The following IFT43 variants were observed in gnomAD, a reference collection of about 807,000 sequenced individuals.
The protein encoded by IFT43 is intraflagellar transport protein 43 homolog.
IFT43 carries 33 observed loss-of-function variants against 32.3 expected under a neutral mutation model. The observed-to-expected ratio is 1.02, with a 90% CI of 0.77 to 1.37. IFT43 has a LOEUF of 1.37. Ranked by LOEUF, IFT43 falls within the 40% of genes most tolerant of loss-of-function variation. IFT43 has a pLI of 0.00. For synonymous variants in IFT43, 93 were observed against 98.2 expected, an observed-to-expected ratio of 0.95 and a Z score of 0.31; for missense variants, 274 against 265.9, an observed-to-expected ratio of 1.03 and a Z score of -0.21.
At chr14:75,998,890 G>A (rs1031628136) in intron 2 of IFT43, among the ~76,000 whole-genome samples, 2 of 152,108 alleles carry the variant, frequency 1.3e-5, no homozygotes, top group Non-Finnish European at 2.9e-5. Context: ...GCACCACCAC[G>A]CCAAGCTAAT....
rs191885276 is a variant in IFT43 at position 75,988,881 on chromosome 14, A to G, written c.55-4A>G. ...TCAGCAGTGCCTTCTGTTTCTCCTT[A>G]CAGAGGGCCAAGATGGGTCGCCGAG... On this transcript the variant is annotated splice_region_variant and splice_polypyrimidine_tract_variant and intron_variant, in intron 1 of 8. Coordinates refer to ENST00000314067, the MANE Select transcript of IFT43 (RefSeq NM_001102564.3). 1.1e-5 allele frequency: 18 copies of G among 1,613,800 alleles called. No homozygotes were observed. The highest frequency in any genetic ancestry group is 1.5e-5 in the Non-Finnish European group (18 of 1,179,946).
intron 3 of IFT43, among the ~76,000 whole-genome samples, chr14:76,035,963 G>A (rs925798161): frequency 1.3e-5 from 2 of 152,158 alleles, no homozygotes; most frequent in Non-Finnish European, 2.9e-5. Flanking sequence ...ATATATAAGG[G>A]CACACAGTTA....
intron 2 of IFT43, among the ~76,000 whole-genome samples, chr14:75,996,036 C>T (rs551510139): frequency 2.0e-5 from 3 of 152,308 alleles, no homozygotes; most frequent in South Asian, 4.1e-4. Context: ...CTGGCTCTGG[C>T]TTTGTCAAAT....
intron 3 of IFT43, among the ~76,000 whole-genome samples, chr14:76,054,498 G>A (rs964455709): frequency 7.2e-5 from 11 of 152,216 alleles, no homozygotes; most frequent in African/African-American, 2.7e-4. Context: ...CTGTGATTTG[G>A]GTGAAGCCCA....
chr14:76,020,111 A>T (rs1005130685), intron 2 of IFT43, among the ~76,000 whole-genome samples: 3 of 152,042 alleles, frequency 2.0e-5, no homozygotes, highest in Non-Finnish European at 4.4e-5. Flanking sequence ...AGTAGCTAGG[A>T]TTACAGGCAT....
At chr14:76,001,235 AAAAC>A (rs1171273482) in intron 2 of IFT43, among the ~76,000 whole-genome samples, 1 of 152,350 alleles carries the variant, frequency 6.6e-6, no homozygotes, top group South Asian at 2.1e-4. Flanking sequence ...TTCTTTAAGA[AAAAC>A]AATTCAAAAT....
At chr14:76,015,863 C>G (rs186347124) in intron 2 of IFT43, among the ~76,000 whole-genome samples, 5 of 152,276 alleles carry the variant, frequency 3.3e-5, no homozygotes, top group African/African-American at 1.2e-4. Context: ...CTCAAAGGAG[C>G]CATTTTAACT....
chr14:76,082,654 G>A lies in IFT43; in HGVS notation c.406G>A (p.Asp136Asn). 6.2e-7 allele frequency: 1 copy of A among 1,613,992 alleles called. No individual in the cohort carries two copies. Among genetic ancestry groups the A allele is most frequent in the Non-Finnish European group, 8.5e-7 (1 of 1,179,920 alleles). The change falls in exon 7 of 9, where the codon GAC (aspartate) becomes AAC (asparagine). Residue 136 changes from aspartate (D) to asparagine (N), a missense_variant. Physicochemically the swap from Asp to Asn is conservative, Grantham distance 23. Coordinates refer to ENST00000314067, the MANE Select transcript of IFT43 (RefSeq NM_001102564.3). Reference sequence around the variant, plus strand: ...GCGGGTGATGACCTACCGTGACCTGGACAATGACCTCATGAAGTACTCAGC... The same window carrying A: ...GCGGGTGATGACCTACCGTGACCTGAACAATGACCTCATGAAGTACTCAGC... ...IKRVMTYRDL[D>N]NDLMKYSAIQ... is the part of the protein sequence containing the mutation.
intron 2 of IFT43, among the ~76,000 whole-genome samples, chr14:76,001,680 CAG>C (rs1445138438): frequency 7.2e-5 from 11 of 152,354 alleles, no homozygotes; most frequent in African/African-American, 2.4e-4. Context: ...GCTGCTCTAA[CAG>C]AATGCCACAG....
intron 5 of IFT43, among the ~76,000 whole-genome samples, chr14:76,071,220 G>A (rs1470676815): frequency 1.3e-5 from 2 of 152,080 alleles, no homozygotes; most frequent in African/African-American, 2.4e-5. Context: ...GTTAAATGTT[G>A]GTCTGTTTAC....
chr14:76,062,589 C>T (rs1317763838), intron 5 of IFT43, among the ~76,000 whole-genome samples: 1 of 151,948 alleles, frequency 6.6e-6, no homozygotes, highest in Non-Finnish European at 1.5e-5. Flanking sequence ...CCACATTGAA[C>T]GTGTATTGCT....
At position 76,005,960 on chromosome 14, in the gene IFT43, C is replaced by CT. The variant is rs954688480; in HGVS notation, c.148-16355dup. On this transcript the variant is annotated intron_variant, in intron 2 of 8. Coordinates refer to ENST00000314067, the MANE Select transcript of IFT43 (RefSeq NM_001102564.3). ...TGCTTTTGGACTGTTTCAACATACA[C>CT]TTTTTTTTTTTTCAGATGATATTAT... Among the ~76,000 whole-genome samples, 156 of 145,408 alleles carry CT rather than the reference C, an allele frequency of 1.1e-3. 1 individual carries two copies. Among genetic ancestry groups the CT allele is most frequent in the Middle Eastern group, 3.6e-3 (1 of 276 alleles).
intron 5 of IFT43, among the ~76,000 whole-genome samples, chr14:76,069,758 C>T (rs1336229484): frequency 2.0e-5 from 3 of 152,180 alleles, no homozygotes; most frequent in African/African-American, 7.2e-5. Context: ...AAAAAAAGGA[C>T]TCAGTCTTGT....
chr14:76,060,064 C>T (rs550062612), intron 5 of IFT43, among the ~76,000 whole-genome samples: 25 of 152,160 alleles, frequency 1.6e-4, no homozygotes, highest in African/African-American at 5.3e-4. Context: ...GCTATATAAA[C>T]GCAGGGAAAA....
rs7143404 is a variant in IFT43 at position 76,080,072 on chromosome 14, G to A, written c.296-2223G>A. Among the ~76,000 whole-genome samples, 257 of 152,294 alleles carry A rather than the reference G, an allele frequency of 1.7e-3. 1 individual carries two copies. The highest frequency in any genetic ancestry group is 5.9e-3 in the African/African-American group (247 of 41,566). On this transcript the variant is annotated intron_variant, in intron 5 of 8. Transcript: ENST00000314067. ...GTTCTTTGAAGTTTGCCCAAAACCT[G>A]CTCTGCAGACACCTGTTCTGCTGGG... is the stretch of plus-strand genomic sequence containing the variant.
At chr14:76,051,258 A>G (rs1245912681) in intron 3 of IFT43, among the ~76,000 whole-genome samples, 1 of 149,280 alleles carries the variant, frequency 6.7e-6, no homozygotes, top group Non-Finnish European at 1.5e-5. Context: ...GGCAAGAACT[A>G]GGAACTGAGG....
chr14:76,025,034 T>C (rs1487338132), intron 3 of IFT43, among the ~76,000 whole-genome samples: 1 of 152,196 alleles, frequency 6.6e-6, no homozygotes, highest in African/African-American at 2.4e-5. Context: ...AAGACTGGAT[T>C]ACAAATCATT....
In IFT43 at chr14:76,057,576, G is replaced by A. The variant is rs1389278675; in HGVS notation, c.216-1066G>A. Among the ~76,000 whole-genome samples the A allele has an allele frequency of 3.3e-5, 5 of 151,494 alleles. No individual in the cohort carries two copies. The South Asian group carries it at 1.0e-3, about 32-fold the overall frequency. ...GACAAAAAAAAAAAAAATGAATGTA[G>A]AATTCTACTTTTGGCAGGGGGAGTT... On this transcript the variant is annotated intron_variant, in intron 3 of 8. Transcript: ENST00000314067.
At chr14:75,991,388 A>AGTGTGTGTGTGTATATTAACAAGAGT (rs1555362325) in intron 2 of IFT43, among the ~76,000 whole-genome samples, 24 of 141,996 alleles carry the variant, frequency 1.7e-4, no homozygotes, top group African/African-American at 5.8e-4. Context: ...TATTAACAAG[A>AGTGTGTGTGTGTATATTAACAAGAGT]GTGTGTGTGT....
Sources: gnomAD v4.1 joint callset for allele counts (sites outside exome capture counted in the v4.1 genomes callset) on GRCh38, gnomAD v4.1.1 for gene constraint, MANE v1.5 for transcripts, NCBI Gene and HGNC (gene_info 2026-07-23, HGNC 2026-07-21) for gene names.